Variants in NTNG2 observed in about 807,000 individuals in gnomAD.
NTNG2 encodes the protein netrin-G2.
A neutral mutation model predicts 47.6 loss-of-function variants in NTNG2; 15 were observed. The observed-to-expected ratio is 0.32, with a 90% CI of 0.21 to 0.49. The LOEUF is 0.49. NTNG2 is among the 20% of genes least tolerant of loss of function. The pLI is 0.99. For missense variants in NTNG2, 578 were observed against 764.6 expected (o/e 0.76, Z 2.88); for synonymous variants, 307 against 324.6 (o/e 0.95, Z 0.58).
chr9:132,194,169 C>T (rs1838104574), intron 2 of NTNG2, among the ~76,000 whole-genome samples: 1 of 152,178 alleles, frequency 6.6e-6, no homozygotes, highest in Non-Finnish European at 1.5e-5. Flanking sequence ...AGAAGCAGCA[C>T]TGGGACTTCA....
chr9:132,200,641 A>C (rs1428724088), intron 3 of NTNG2, among the ~76,000 whole-genome samples: 1 of 151,942 alleles, frequency 6.6e-6, no homozygotes, highest in Non-Finnish European at 1.5e-5. Flanking sequence ...ATTTTGTTTC[A>C]CTTTGACGGT....
At chr9:132,179,296 G>A (rs977948331) in intron 2 of NTNG2, among the ~76,000 whole-genome samples, 1 of 152,206 alleles carries the variant, frequency 6.6e-6, no homozygotes, top group Admixed American at 6.5e-5. Context: ...CAGTGAGGGT[G>A]ATACATCTAC....
chr9:132,193,645 G>A (rs1396426511), intron 2 of NTNG2, among the ~76,000 whole-genome samples: 1 of 152,106 alleles, frequency 6.6e-6, no homozygotes, highest in Non-Finnish European at 1.5e-5. Flanking sequence ...ACATCCTCTG[G>A]GGAAATAGGA....
intron 2 of NTNG2, among the ~76,000 whole-genome samples, chr9:132,194,415 C>T (rs763600972): frequency 6.6e-6 from 1 of 152,236 alleles, no homozygotes; most frequent in Non-Finnish European, 1.5e-5. Flanking sequence ...ATCCCCACAG[C>T]CTCTCAGTCC....
At chr9:132,191,621 G>C (rs1837896432) in intron 2 of NTNG2, among the ~76,000 whole-genome samples, 1 of 152,040 alleles carries the variant, frequency 6.6e-6, no homozygotes, top group African/African-American at 2.4e-5. Context: ...TGGAGTGCTG[G>C]AGTGCAGTGG....
chr9:132,238,804 G>C (rs1841804501), intron 5 of NTNG2, among the ~76,000 whole-genome samples: 1 of 152,252 alleles, frequency 6.6e-6, no homozygotes, highest in South Asian at 2.1e-4. Flanking sequence ...CTTGGCCCTG[G>C]TGCCCAGCCA....
rs1841626150 is a variant in NTNG2, at chr9:132,236,340, G to C, written c.1055-2764G>C. On this transcript the variant is annotated intron_variant, in intron 5 of 7. Transcript: ENST00000393229. This position sits in a 1 kb window ranked among gnomAD's most constrained non-coding sequence, Gnocchi z 4.3. ...ACACTGACATCCTCCTGCTACGTGG[G>C]AGGAGACACAGGGCTCATCTGTAGC... Among the ~76,000 whole-genome samples the C allele has an allele frequency of 6.6e-6, 1 of 152,216 alleles. No homozygotes were observed. The highest frequency in any genetic ancestry group is 6.5e-5 in the Admixed American group (1 of 15,286).
rs1161036977 is a variant in NTNG2 at position 132,226,433 on chromosome 9, G to A, written c.858-416G>A. Among the ~76,000 whole-genome samples, 1 of 152,170 alleles carries A rather than the reference G, an allele frequency of 6.6e-6. No individual in the cohort carries two copies. Among genetic ancestry groups the A allele is most frequent in the Non-Finnish European group, 1.5e-5 (1 of 68,034 alleles). On this transcript the variant is annotated intron_variant, in intron 3 of 7. Coordinates refer to ENST00000393229, the MANE Select transcript of NTNG2 (RefSeq NM_032536.4). This position sits in a 1 kb window ranked among gnomAD's most constrained non-coding sequence, Gnocchi z 4.8. Reference sequence around the variant, plus strand: ...TCTACACAATGAAGTGCAGCCCATGGCCAAGTCTCTGTCTACACCAGGTGC... The same window carrying A: ...TCTACACAATGAAGTGCAGCCCATGACCAAGTCTCTGTCTACACCAGGTGC...
intron 3 of NTNG2, among the ~76,000 whole-genome samples, chr9:132,202,903 T>C (rs1382569040): frequency 1.3e-5 from 2 of 152,188 alleles, no homozygotes; most frequent in Admixed American, 6.5e-5. Flanking sequence ...CTGTAACCTG[T>C]TGGAACCTCA....
chr9:132,185,515 T>C (rs1589406613), intron 2 of NTNG2, among the ~76,000 whole-genome samples: 1 of 152,176 alleles, frequency 6.6e-6, no homozygotes, highest in East Asian at 1.9e-4. Flanking sequence ...GTCTAGCTTA[T>C]GCTCTGCACA....
chr9:132,167,366 C>T (rs1835573414), intron 2 of NTNG2, among the ~76,000 whole-genome samples: 3 of 152,230 alleles, frequency 2.0e-5, no homozygotes, highest in African/African-American at 7.2e-5. Flanking sequence ...GCCCCACCTC[C>T]TGTGTAGGAA....
At position 132,180,948 on chromosome 9, in the gene NTNG2, C is replaced by T. The variant is rs1836890045; in HGVS notation, c.213+13904C>T. 6.6e-6 allele frequency among the ~76,000 whole-genome samples: 1 copy of T among 152,180 alleles called. No individual in the cohort carries two copies. Among genetic ancestry groups the T allele is most frequent in the South Asian group, 2.1e-4 (1 of 4,828 alleles). Reference sequence around the variant, plus strand: ...GGTTGCAAACACTTTCAGGGACTTCCCAGATTTCTCTGAGTCCATCCGTGG... The same window carrying T: ...GGTTGCAAACACTTTCAGGGACTTCTCAGATTTCTCTGAGTCCATCCGTGG... On this transcript the variant is annotated intron_variant, in intron 2 of 7. Transcript: ENST00000393229. The surrounding 1 kb of genome is among the most constrained non-coding windows in gnomAD (Gnocchi z 4.2).
chr9:132,211,585 G>A lies in NTNG2; in HGVS notation c.857+12976G>A, dbSNP rs539255836. Among the ~76,000 whole-genome samples the A allele has an allele frequency of 2.0e-4, 30 of 152,120 alleles. No homozygotes were observed. The South Asian group carries it at 5.8e-3, about 29-fold the overall frequency. On this transcript the variant is annotated intron_variant, in intron 3 of 7. Transcript: ENST00000393229. ...GCTGGGTCTCTCGGGCTGGCCTAGG[G>A]GCTAGTCCTTCTGCCTGGAACATGA...
chr9:132,180,667 A>G lies in NTNG2; in HGVS notation c.213+13623A>G, dbSNP rs1486228300. Among the ~76,000 whole-genome samples, 2 of 152,232 alleles carry G rather than the reference A, an allele frequency of 1.3e-5. No homozygotes were observed. Among genetic ancestry groups the G allele is most frequent in the African/African-American group, 4.8e-5 (2 of 41,464 alleles). On this transcript the variant is annotated intron_variant, in intron 2 of 7. Transcript: ENST00000393229. This position sits in a 1 kb window ranked among gnomAD's most constrained non-coding sequence, Gnocchi z 4.2. ...AACCTCAGAGTCCCACTGTACCCCCAGATTCTGCTTCAGGGAGACGGAGAG... is the reference window on the plus strand; with the variant it reads ...AACCTCAGAGTCCCACTGTACCCCCGGATTCTGCTTCAGGGAGACGGAGAG...
At chr9:132,170,892 C>T (rs749821393) in intron 2 of NTNG2, among the ~76,000 whole-genome samples, 11 of 152,142 alleles carry the variant, frequency 7.2e-5, no homozygotes, top group Non-Finnish European at 1.0e-4. Flanking sequence ...GTCTCTGGAG[C>T]GCTGGGGTGG....
rs749613468 is a variant in NTNG2, at chr9:132,236,508, A to G, written c.1055-2596A>G. Among the ~76,000 whole-genome samples the G allele has an allele frequency of 2.0e-4, 31 of 152,330 alleles. No homozygotes were observed. Among genetic ancestry groups the G allele is most frequent in the Middle Eastern group, 3.4e-3 (1 of 294 alleles). ...AGGTGAGCTGTTCCTTCCAGCTCAC[A>G]TGTTCAAATTTCCTCCAGCCCCAGC... On this transcript the variant is annotated intron_variant, in intron 5 of 7. Transcript: ENST00000393229. This position sits in a 1 kb window ranked among gnomAD's most constrained non-coding sequence, Gnocchi z 4.3.
intron 2 of NTNG2, among the ~76,000 whole-genome samples, chr9:132,183,278 G>C (rs10901133): frequency 0.24 from 37,049 of 152,074 alleles, 4,923 homozygotes; most frequent in Non-Finnish European, 0.3. Context: ...GCCAGCATTA[G>C]GGCTGTCACG....
At chr9:132,223,452 G>C (rs1257872783) in intron 3 of NTNG2, among the ~76,000 whole-genome samples, 1 of 152,212 alleles carries the variant, frequency 6.6e-6, no homozygotes, top group African/African-American at 2.4e-5. Context: ...TCTGCAGCCT[G>C]TGGTGTCCAG....
At chr9:132,179,142 G>C (rs568407831) in intron 2 of NTNG2, among the ~76,000 whole-genome samples, 2 of 152,250 alleles carry the variant, frequency 1.3e-5, no homozygotes, top group East Asian at 3.9e-4. Flanking sequence ...GAGCCATGAG[G>C]ACAGGGGCCC....
Sources: gnomAD v4.1 joint callset for allele counts (sites outside exome capture counted in the v4.1 genomes callset) on GRCh38, gnomAD v4.1.1 for gene constraint, Gnocchi (gnomAD v3.1) non-coding constraint, MANE v1.5 for transcripts, NCBI Gene and HGNC (gene_info 2026-07-23, HGNC 2026-07-21) for gene names.